AGAP1: variants seen among roughly 807,000 people sequenced by gnomAD.
The protein encoded by AGAP1 is arf-GAP with GTPase, ANK repeat and PH domain-containing protein 1.
A neutral mutation model predicts 105.3 loss-of-function variants in AGAP1; 29 were observed. The ratio of observed to expected loss-of-function variants is 0.28; its 90% CI spans 0.21 to 0.38. AGAP1 has a LOEUF of 0.38. Ranked by LOEUF, AGAP1 falls within the 10% of genes least tolerant of loss-of-function variation. The pLI, the probability that AGAP1 is intolerant of heterozygous loss-of-function variation, is 1.00. For missense variants in AGAP1, 998 were observed against 1,165.1 expected, an observed-to-expected ratio of 0.86 and a Z score of 2.09; for synonymous variants, 509 against 485.9, an observed-to-expected ratio of 1.05 and a Z score of -0.63.
intron 10 of AGAP1, among the ~76,000 whole-genome samples, chr2:235,894,733 C>T (rs1004507258): frequency 6.6e-6 from 1 of 152,158 alleles, no homozygotes; most frequent in African/African-American, 2.4e-5. Flanking sequence ...AAATTACCTC[C>T]TTCCATCTTA....
In AGAP1 at chr2:235,836,130, A is replaced by G. The variant is rs938478585; in HGVS notation, c.1050+28799A>G. On this transcript the variant is annotated intron_variant, in intron 9 of 17. Coordinates refer to ENST00000304032, the MANE Select transcript of AGAP1 (RefSeq NM_001037131.3). ...CTCATGCATTTTGTAAGGAACATTA[A>G]CAAATTGATTTACATAGTGGAAAAG... Among the ~76,000 whole-genome samples, 310 of 152,330 alleles carry G rather than the reference A, an allele frequency of 2.0e-3. 3 individuals carry two copies. Among genetic ancestry groups the G allele is most frequent in the Non-Finnish European group, 8.5e-4 (58 of 68,030 alleles).
Position 235,543,962 on chromosome 2 carries a change from C to A in AGAP1, c.163+49113C>A, listed in dbSNP as rs147055104. 2.4e-4 allele frequency among the ~76,000 whole-genome samples: 36 copies of A among 152,286 alleles called. 1 individual carries two copies. Among genetic ancestry groups the A allele is most frequent in the African/African-American group, 7.7e-4 (32 of 41,580 alleles). On this transcript the variant is annotated intron_variant, in intron 1 of 17. Transcript: ENST00000304032. Reference sequence around the variant, plus strand: ...GATAGGAAGAGTTCTCTCTCTGCCGCCTGTGCCCAGGCCACTGCTGTGGCC... The same window carrying A: ...GATAGGAAGAGTTCTCTCTCTGCCGACTGTGCCCAGGCCACTGCTGTGGCC...
Position 235,893,861 on chromosome 2 carries a change from C to A in AGAP1, c.1155+10412C>A, listed in dbSNP as rs2050671925. On this transcript the variant is annotated intron_variant, in intron 10 of 17. Coordinates refer to ENST00000304032, the MANE Select transcript of AGAP1 (RefSeq NM_001037131.3). This position sits in a 1 kb window ranked among gnomAD's most constrained non-coding sequence, Gnocchi z 4.7. Reference sequence around the variant, plus strand: ...CTCCTGAACTTCCTGGACTCCAGCCCTCAACATTGACAATCCTGGCTGTGC... The same window carrying A: ...CTCCTGAACTTCCTGGACTCCAGCCATCAACATTGACAATCCTGGCTGTGC... 6.6e-6 allele frequency among the ~76,000 whole-genome samples: 1 copy of A among 152,134 alleles called. No individual in the cohort carries two copies. The highest frequency in any genetic ancestry group is 2.1e-4 in the South Asian group (1 of 4,826).
chr2:236,043,790 A>G (rs1346126759), intron 15 of AGAP1, among the ~76,000 whole-genome samples: 1 of 152,060 alleles, frequency 6.6e-6, no homozygotes, highest in Non-Finnish European at 1.5e-5. Context: ...TTGTAAAATG[A>G]AAAAGGGGTA....
rs779550521 is a variant in AGAP1 at position 236,040,890 on chromosome 2, C to T, written c.1891+49C>T. ...GGGCTGGCGCTGTGTAGCTGGAGAC[C>T]ACATGGTCCCACTAGGCCCGGGTTG... On this transcript the variant is annotated intron_variant, in intron 15 of 17. Transcript: ENST00000304032. This position sits in a 1 kb window ranked among gnomAD's most constrained non-coding sequence, Gnocchi z 5.6. 1 of 1,591,018 alleles carries T rather than the reference C, an allele frequency of 6.3e-7. No individual in the cohort carries two copies. Among genetic ancestry groups the T allele is most frequent in the Non-Finnish European group, 8.6e-7 (1 of 1,159,796 alleles).
intron 1 of AGAP1, among the ~76,000 whole-genome samples, chr2:235,703,229 G>A (rs898522413): frequency 1.9e-4 from 29 of 151,722 alleles, no homozygotes; most frequent in South Asian, 6.3e-4. Context: ...CGCCCGGCCC[G>A]AGCCACGGTT....
At chr2:235,686,663 A>C (rs887657230) in intron 1 of AGAP1, among the ~76,000 whole-genome samples, 1 of 59,744 alleles carries the variant, frequency 1.7e-5, no homozygotes, top group Non-Finnish European at 2.9e-5. Context: ...ATATATATAT[A>C]TATTTTTTTT....
intron 1 of AGAP1, among the ~76,000 whole-genome samples, chr2:235,687,503 G>A (rs1446900033): frequency 1.3e-5 from 2 of 152,156 alleles, no homozygotes; most frequent in South Asian, 2.1e-4. Flanking sequence ...GCCCTTCATC[G>A]TAGATACCAG....
chr2:236,049,440 G>C (rs1404978575), intron 16 of AGAP1, 159 bp downstream of exon 16: 7 of 665,346 alleles, frequency 1.1e-5, no homozygotes. Flanking sequence ...GTTTAAAGTT[G>C]GTCTTGAGCA....
At position 235,988,693 on chromosome 2, in the gene AGAP1, GAA is replaced by G. The variant is rs2055426828; in HGVS notation, c.1645+20072_1645+20073del. Among the ~76,000 whole-genome samples the G allele has an allele frequency of 6.6e-6, 1 of 152,156 alleles. No homozygotes were observed. Among genetic ancestry groups the G allele is most frequent in the African/African-American group, 2.4e-5 (1 of 41,434 alleles). On this transcript the variant is annotated intron_variant, in intron 13 of 17. Coordinates refer to ENST00000304032, the MANE Select transcript of AGAP1 (RefSeq NM_001037131.3). The surrounding 1 kb of genome is among the most constrained non-coding windows in gnomAD (Gnocchi z 4.7). ...TGGGTAAATGGAATCTTAAAGACGA[GAA>G]ATGATTATTTTTTTCCCGCCGACTC...
Position 236,061,005 on chromosome 2 carries a change from G to A in AGAP1, c.2114+11724G>A, listed in dbSNP as rs1206381736. Among the ~76,000 whole-genome samples, 1 of 152,226 alleles carries A rather than the reference G, an allele frequency of 6.6e-6. No individual in the cohort carries two copies. The highest frequency in any genetic ancestry group is 1.5e-5 in the Non-Finnish European group (1 of 68,044). The stretch of plus-strand genomic sequence containing the variant: ...TTGAGCCCAGGAGTTTGAGGTTGCA[G>A]TGAGCCGTTATCACGTCACTCCACT... On this transcript the variant is annotated intron_variant, in intron 16 of 17. Transcript: ENST00000304032. The surrounding 1 kb of genome is among the most constrained non-coding windows in gnomAD (Gnocchi z 4.1).
At chr2:236,025,256 G>A (rs1043512334) in intron 13 of AGAP1, among the ~76,000 whole-genome samples, 1 of 152,162 alleles carries the variant, frequency 6.6e-6, no homozygotes, top group Non-Finnish European at 1.5e-5. Context: ...GCACATGCTC[G>A]TTCTGCACGT....
intron 9 of AGAP1, among the ~76,000 whole-genome samples, chr2:235,850,374 G>A (rs1041804228): frequency 6.6e-6 from 1 of 152,242 alleles, no homozygotes; most frequent in Non-Finnish European, 1.5e-5. Context: ...CCTTTCTGTA[G>A]TTCTGAAAGG....
intron 1 of AGAP1, among the ~76,000 whole-genome samples, chr2:235,573,605 G>T (rs1944642556): frequency 6.6e-6 from 1 of 152,206 alleles, no homozygotes; most frequent in Non-Finnish European, 1.5e-5. Context: ...ATATTTAAGT[G>T]ATGTGATAAT....
intron 1 of AGAP1, among the ~76,000 whole-genome samples, chr2:235,624,597 G>A (rs76400835): frequency 4.6e-5 from 7 of 152,216 alleles, no homozygotes; most frequent in South Asian, 2.1e-4. Flanking sequence ...GTGTATGTGC[G>A]TGTGTGCTGG....
In AGAP1 at chr2:235,615,517, A is replaced by T. The variant is rs1946280225; in HGVS notation, c.164-93662A>T. On this transcript the variant is annotated intron_variant, in intron 1 of 17. Coordinates refer to ENST00000304032, the MANE Select transcript of AGAP1 (RefSeq NM_001037131.3). This position sits in a 1 kb window ranked among gnomAD's most constrained non-coding sequence, Gnocchi z 5.0. Reference sequence around the variant, plus strand: ...AAATTTATCCGTAAGCATGGATCAAATGCACATTTGGCATGATTCTCATCT... The same window carrying T: ...AAATTTATCCGTAAGCATGGATCAATTGCACATTTGGCATGATTCTCATCT... 6.6e-6 allele frequency among the ~76,000 whole-genome samples: 1 copy of T among 152,246 alleles called. No individual in the cohort carries two copies. The highest frequency in any genetic ancestry group is 1.5e-5 in the Non-Finnish European group (1 of 68,048).
Position 235,973,461 on chromosome 2 carries a change from G to A in AGAP1, c.1645+4838G>A, listed in dbSNP as rs891356023. ...TGTCACAGATGGGCTGCTGTGCTGC[G>A]TGGTCATTGAGACCAATGGAAGGAA... On this transcript the variant is annotated intron_variant, in intron 13 of 17. Transcript: ENST00000304032. The surrounding 1 kb of genome is among the most constrained non-coding windows in gnomAD (Gnocchi z 4.7). Among the ~76,000 whole-genome samples, 14 of 152,284 alleles carry A rather than the reference G, an allele frequency of 9.2e-5. No individual in the cohort carries two copies. Among genetic ancestry groups the A allele is most frequent in the South Asian group, 6.2e-4 (3 of 4,830 alleles).
intron 9 of AGAP1, among the ~76,000 whole-genome samples, chr2:235,810,838 T>C (rs1037216632): frequency 3.5e-4 from 53 of 150,002 alleles, no homozygotes; most frequent in Non-Finnish European, 6.1e-4. Context: ...GGTTTCTTTT[T>C]TTTTTTTTTT....
At chr2:235,785,029 C>G (rs755907766) in intron 6 of AGAP1, among the ~76,000 whole-genome samples, 1 of 152,208 alleles carries the variant, frequency 6.6e-6, no homozygotes, top group Admixed American at 6.5e-5. Context: ...GTCACTTCTT[C>G]CCGTGCACAG....
Sources: gnomAD v4.1 joint callset for allele counts (sites outside exome capture counted in the v4.1 genomes callset) on GRCh38, gnomAD v4.1.1 for gene constraint, Gnocchi (gnomAD v3.1) non-coding constraint, MANE v1.5 for transcripts, NCBI Gene and HGNC (gene_info 2026-07-23, HGNC 2026-07-21) for gene names.